Variants in FRMD5 observed in about 807,000 individuals in gnomAD.
FRMD5 encodes the protein FERM domain containing 5, also known as FERM domain-containing protein 5.
FRMD5 carries 20 observed loss-of-function variants against 69.0 expected under a neutral mutation model. The observed-to-expected ratio is 0.29, with a 90% CI of 0.20 to 0.42. FRMD5 has a LOEUF of 0.42. Ranked by LOEUF, FRMD5 falls within the 10% of genes least tolerant of loss-of-function variation. The pLI is 1.00. For synonymous variants in FRMD5, 271 were observed against 260.1 expected, an observed-to-expected ratio of 1.04 and a Z score of -0.40; for missense variants, 595 against 708.6, an observed-to-expected ratio of 0.84 and a Z score of 1.82.
At chr15:44,125,408 C>T (rs7166715) in intron 1 of FRMD5, among the ~76,000 whole-genome samples, 125,998 of 152,140 alleles carry the variant, frequency 0.83, 54,832 homozygotes, top group Non-Finnish European at 0.95. Context: ...ATTTTCAGAG[C>T]CATTCTGATT....
rs552395164 is a variant in FRMD5, at chr15:44,172,810, GA to G, written c.102+22142del. Among the ~76,000 whole-genome samples the G allele has an allele frequency of 3.3e-3, 507 of 152,128 alleles. 4 individuals are homozygous for G. The highest frequency in any genetic ancestry group is 0.011 in the African/African-American group (452 of 41,504). On this transcript the variant is annotated intron_variant, in intron 1 of 13. Transcript: ENST00000417257. ...AACCACTGAAAATAAAAACCTTCAG[GA>G]AAAAGTTTTCCTTCTCTTAACCAGG...
intron 1 of FRMD5, among the ~76,000 whole-genome samples, chr15:44,136,718 C>T (rs1440338531): frequency 6.6e-6 from 1 of 152,068 alleles, no homozygotes; most frequent in Non-Finnish European, 1.5e-5. Flanking sequence ...GTAACACATG[C>T]CATTATATTT....
intron 1 of FRMD5, among the ~76,000 whole-genome samples, chr15:44,057,640 T>C (rs1401053689): frequency 6.6e-6 from 1 of 152,204 alleles, no homozygotes; most frequent in Non-Finnish European, 1.5e-5. Flanking sequence ...CAGGCTCTTG[T>C]TTCTAGAGAA....
chr15:43,906,951 G>A (rs906667108), intron 5 of FRMD5, among the ~76,000 whole-genome samples: 10 of 152,142 alleles, frequency 6.6e-5, no homozygotes, highest in Admixed American at 2.6e-4. Context: ...CCAGGTGTGA[G>A]CCTTTCTCCT....
At chr15:44,162,521 G>A (rs924069974) in intron 1 of FRMD5, among the ~76,000 whole-genome samples, 2 of 152,006 alleles carry the variant, frequency 1.3e-5, no homozygotes, top group Admixed American at 1.3e-4. Flanking sequence ...TGGCTCTAAA[G>A]TCATGTTTTT....
At position 43,884,737 on chromosome 15, in the gene FRMD5, C is replaced by T; in HGVS notation, c.1018G>A (p.Glu340Lys). Residue 340 changes from glutamate to lysine, a missense_variant, in exon 12 of 14, where the codon GAA (glutamate) becomes AAA (lysine). This residue lies in a region of FRMD5 where 176 missense variants were observed against 266.3 expected (regional missense o/e 0.66). Transcript: ENST00000417257. ...CCCCTGGCAGCCTACCTGTGTATTT[C>T]CGGTGGCTCCCGTTTGATCTTAGCA... ...SSAKIKREPP[E>K]IHRAGMVPSR... 6.2e-7 allele frequency: 1 copy of T among 1,614,052 alleles called. No individual in the cohort carries two copies.
chr15:43,967,010 C>T (rs373301258), intron 1 of FRMD5, among the ~76,000 whole-genome samples: 42 of 152,176 alleles, frequency 2.8e-4, no homozygotes, highest in African/African-American at 1.0e-3. Context: ...CAGTTTCATT[C>T]TGATGCTATA....
At chr15:44,087,857 A>G (rs963483470) in intron 1 of FRMD5, among the ~76,000 whole-genome samples, 3 of 152,080 alleles carry the variant, frequency 2.0e-5, no homozygotes, top group South Asian at 2.1e-4. Flanking sequence ...GCAATGTTCA[A>G]ACTCTTTGGG....
At position 44,176,880 on chromosome 15, in the gene FRMD5, C is replaced by G. The variant is rs990383665; in HGVS notation, c.102+18073G>C. ...TGTAATAAAAAAAGGCACATGTATACATAGGTAACTAACCTGCACATTGTG... is the reference window on the plus strand; with the variant it reads ...TGTAATAAAAAAAGGCACATGTATAGATAGGTAACTAACCTGCACATTGTG... On this transcript the variant is annotated intron_variant, in intron 1 of 13. Coordinates refer to ENST00000417257, the MANE Select transcript of FRMD5 (RefSeq NM_032892.5). Among the ~76,000 whole-genome samples the G allele has an allele frequency of 3.3e-5, 5 of 149,878 alleles. No homozygotes were observed. In the South Asian group the frequency reaches 1.0e-3, roughly 31 times the overall value.
Position 44,168,111 on chromosome 15 carries a change from C to T in FRMD5, c.102+26842G>A, listed in dbSNP as rs139664854. ...CTTCATTAAATGGGGGAATAATTTA[C>T]TTAACTGTTAGGACAACCGTTAGAA... On this transcript the variant is annotated intron_variant, in intron 1 of 13. Coordinates refer to ENST00000417257, the MANE Select transcript of FRMD5 (RefSeq NM_032892.5). 3.9e-3 allele frequency among the ~76,000 whole-genome samples: 600 copies of T among 152,280 alleles called. 5 individuals are homozygous for T. The highest frequency in any genetic ancestry group is 0.014 in the African/African-American group (561 of 41,550).
At chr15:43,878,891 A>G (rs1359339132) in intron 13 of FRMD5, among the ~76,000 whole-genome samples, 3 of 151,848 alleles carry the variant, frequency 2.0e-5, no homozygotes, top group African/African-American at 7.3e-5. Flanking sequence ...CTCATTAAAC[A>G]AGATAATGGA....
intron 1 of FRMD5, among the ~76,000 whole-genome samples, chr15:44,077,823 A>G (rs1893832421): frequency 6.6e-6 from 1 of 152,134 alleles, no homozygotes; most frequent in Non-Finnish European, 1.5e-5. Flanking sequence ...TCTGCTATGG[A>G]AAGTAACTGT....
rs2078264734 is a variant in FRMD5, at chr15:44,195,004, G to A, written c.51C>T (p.Tyr17=). ...SGSSRSLERE[Y]SCTVRLLDDS... ...CGTCCAGCAGCCGCACGGTGCAGCT[G>A]TACTCGCGCTCCAGGCTCCTGCTGC... Residue 17 remains tyrosine, a synonymous_variant, in exon 1 of 14, where the codon TAC becomes TAT. Coordinates refer to ENST00000417257, the MANE Select transcript of FRMD5 (RefSeq NM_032892.5). The A allele has an allele frequency of 6.4e-7, 1 of 1,562,286 alleles. No individual in the cohort carries two copies.
At chr15:44,129,837 C>CAGAA (rs761918181) in intron 1 of FRMD5, among the ~76,000 whole-genome samples, 5 of 152,162 alleles carry the variant, frequency 3.3e-5, no homozygotes, top group Non-Finnish European at 5.9e-5. Flanking sequence ...TCACTTGCAG[C>CAGAA]AGTTCCTCAG....
At chr15:43,995,028 T>G (rs1889856056) in intron 1 of FRMD5, among the ~76,000 whole-genome samples, 2 of 152,192 alleles carry the variant, frequency 1.3e-5, no homozygotes, top group Admixed American at 1.3e-4. Flanking sequence ...TTTTCTCCTT[T>G]AGCACTTTGA....
At chr15:43,946,645 C>A (rs1448331979) in intron 1 of FRMD5, among the ~76,000 whole-genome samples, 1 of 152,028 alleles carries the variant, frequency 6.6e-6, no homozygotes, top group African/African-American at 2.4e-5. Flanking sequence ...GTCTTGTGTT[C>A]AGGAGAGAAG....
chr15:43,893,174 A>C (rs1031479859), intron 7 of FRMD5, among the ~76,000 whole-genome samples: 1 of 152,182 alleles, frequency 6.6e-6, no homozygotes, highest in African/African-American at 2.4e-5. Flanking sequence ...ACATCTTAAA[A>C]GGCTGTTATT....
rs565029762 is a variant in FRMD5, at chr15:44,143,066, C to T, written c.102+51887G>A. On this transcript the variant is annotated intron_variant, in intron 1 of 13. Transcript: ENST00000417257. ...GAGACTGTGCCACTGCACTCCAGCTCGGGTGACACAGCGAGACTCCGTCTC... is the reference window on the plus strand; with the variant it reads ...GAGACTGTGCCACTGCACTCCAGCTTGGGTGACACAGCGAGACTCCGTCTC... Among the ~76,000 whole-genome samples, 12 of 150,592 alleles carry T rather than the reference C, an allele frequency of 8.0e-5. No individual in the cohort carries two copies. The South Asian group carries it at 2.1e-3, about 26-fold the overall frequency.
At chr15:43,992,343 CTTT>C (rs5812259) in intron 1 of FRMD5, among the ~76,000 whole-genome samples, 16 of 134,902 alleles carry the variant, frequency 1.2e-4, no homozygotes, top group Admixed American at 1.5e-4. Context: ...GTTGTAAATT[CTTT>C]TTTTTTTTTT....
Sources: gnomAD v4.1 joint callset for allele counts (sites outside exome capture counted in the v4.1 genomes callset) on GRCh38, gnomAD v4.1.1 for gene constraint, gnomAD v4.1.1 regional missense constraint, MANE v1.5 for transcripts, NCBI Gene and HGNC (gene_info 2026-07-23, HGNC 2026-07-21) for gene names.